The following SPRY3 variants were observed in gnomAD, a reference collection of about 807,000 sequenced individuals.
SPRY3 encodes protein sprouty homolog 3.
In SPRY3, 15 loss-of-function variants were observed where a neutral mutation model predicts 20.2. The observed-to-expected ratio is 0.74, with a 90% CI of 0.50 to 1.14. SPRY3 has a LOEUF of 1.14. Ranked by LOEUF, SPRY3 falls within the 50% of genes most tolerant of loss-of-function variation. SPRY3 has a pLI of 0.00. For missense variants in SPRY3, 364 were observed against 363.9 expected, an observed-to-expected ratio of 1.00 and a Z score of 0.00; for synonymous variants, 143 against 136.5, an observed-to-expected ratio of 1.05 and a Z score of -0.33.
chrX:155,641,366 G>T (rs1557351381), intron 1 of SPRY3, among the ~76,000 whole-genome samples: 1 of 111,453 alleles, frequency 9.0e-6, no homozygotes, highest in Non-Finnish European at 1.9e-5. Flanking sequence ...TAGTGATATT[G>T]GCCTATAGTT....
At chrX:155,711,535 C>T (rs1287855923) in intron 2 of SPRY3, among the ~76,000 whole-genome samples, 2 of 151,068 alleles carry the variant, frequency 1.3e-5, no homozygotes, top group African/African-American at 2.4e-5. Context: ...TTTATTTGGG[C>T]CTCTCTCTTT....
Position 155,734,095 on chromosome X carries a change from A to G in SPRY3, c.-281-33867A>G, listed in dbSNP as rs2091152370. Among the ~76,000 whole-genome samples, 4 of 152,208 alleles carry G rather than the reference A, an allele frequency of 2.6e-5. No individual in the cohort carries two copies. In the South Asian group the frequency reaches 8.3e-4, roughly 32 times the overall value. ...GTAGCACTTTTAATCTTGTTCAGGA[A>G]CTTTTTCTTTGCATTCACAACTTGG... On this transcript the variant is annotated intron_variant, in intron 2 of 3. Transcript: ENST00000675360.
intron 2 of SPRY3, among the ~76,000 whole-genome samples, chrX:155,737,125 C>T (rs976088378): frequency 1.3e-5 from 2 of 152,182 alleles, no homozygotes; most frequent in East Asian, 1.9e-4. Context: ...CATTACAGCC[C>T]TTAACATATT....
chrX:155,622,714 T>C (rs781982632), intron 1 of SPRY3, among the ~76,000 whole-genome samples: 7 of 111,979 alleles, frequency 6.3e-5, no homozygotes, highest in Non-Finnish European at 1.9e-5. Context: ...ATTTAAAAGA[T>C]AGCAGTCTCT....
chrX:155,614,356 G>A (rs1314089131), intron 1 of SPRY3, among the ~76,000 whole-genome samples: 1 of 112,131 alleles, frequency 8.9e-6, no homozygotes, highest in Non-Finnish European at 1.9e-5. Flanking sequence ...GAGTGAATGA[G>A]CTCACTTAAA....
intron 2 of SPRY3, among the ~76,000 whole-genome samples, chrX:155,722,507 T>A (rs189703023): frequency 3.9e-5 from 6 of 152,150 alleles, no homozygotes; most frequent in Admixed American, 1.3e-4. Context: ...GGTGACAGAA[T>A]GAGACTCTAT....
intron 1 of SPRY3, among the ~76,000 whole-genome samples, chrX:155,642,442 C>CT (rs1455034485): frequency 1.8e-5 from 2 of 110,643 alleles, no homozygotes; most frequent in Non-Finnish European, 3.8e-5. Context: ...TTTTTTGTTT[C>CT]TTTTTTTATA....
At chrX:155,696,328 A>G (rs2068118766) in intron 2 of SPRY3, among the ~76,000 whole-genome samples, 1 of 109,418 alleles carries the variant, frequency 9.1e-6, no homozygotes, top group Non-Finnish European at 1.9e-5. Flanking sequence ...TCCGTACAGC[A>G]CTTATCATGT....
At chrX:155,618,497 A>G (rs1557349114) in intron 1 of SPRY3, among the ~76,000 whole-genome samples, 1 of 111,486 alleles carries the variant, frequency 9.0e-6, no homozygotes, top group African/African-American at 3.3e-5. Flanking sequence ...TCTTGTACAC[A>G]TGTGTTTTTT....
intron 2 of SPRY3, among the ~76,000 whole-genome samples, chrX:155,726,261 A>G (rs1434903054): frequency 1.3e-5 from 2 of 152,098 alleles, no homozygotes; most frequent in Non-Finnish European, 2.9e-5. Flanking sequence ...TTTTAGAATA[A>G]CTGCGATGTG....
At chrX:155,724,892 G>C (rs760955256) in intron 2 of SPRY3, among the ~76,000 whole-genome samples, 3 of 152,264 alleles carry the variant, frequency 2.0e-5, no homozygotes, top group Non-Finnish European at 4.4e-5. Context: ...TCCTTGTCTT[G>C]TGCCGGTTTT....
At chrX:155,729,983 C>A (rs1251754242) in intron 2 of SPRY3, among the ~76,000 whole-genome samples, 3 of 152,040 alleles carry the variant, frequency 2.0e-5, no homozygotes, top group Non-Finnish European at 2.9e-5. Context: ...TGGACACATA[C>A]AACCTACTAA....
chrX:155,646,205 G>A (rs1391431163), intron 1 of SPRY3, among the ~76,000 whole-genome samples: 3 of 111,857 alleles, frequency 2.7e-5, no homozygotes, highest in Non-Finnish European at 5.6e-5. Flanking sequence ...TTTGTAACAT[G>A]TCTCGAAATC....
chrX:155,640,261 A>C (rs1372168554), intron 1 of SPRY3, among the ~76,000 whole-genome samples: 2 of 112,448 alleles, frequency 1.8e-5, no homozygotes, highest in Non-Finnish European at 3.8e-5. Context: ...GTTGTATGTT[A>C]ATGTATTATA....
downstream of SPRY3, chrX:155,776,909 C>T (rs1218360115): frequency 1.2e-5 from 2 of 166,930 alleles, no homozygotes; most frequent in Non-Finnish European, 2.9e-5. Flanking sequence ...AATTGCTTTG[C>T]TCTATTTTTG....
chrX:155,650,541 C>T lies in SPRY3; in HGVS notation c.-440-6326C>T, dbSNP rs1419205554. ...GTTTTATATGTATCTGAAAGCTATA[C>T]GTGTTCTGCAGTAATTGGATGCAGC... On this transcript the variant is annotated intron_variant, in intron 1 of 3. Transcript: ENST00000675360. Among the ~76,000 whole-genome samples the T allele has an allele frequency of 3.6e-5, 4 of 112,099 alleles. No individual in the cohort carries two copies. In the Admixed American group the frequency reaches 3.8e-4, roughly 11 times the overall value.
At chrX:155,632,249 A>G (rs1351649311) in intron 1 of SPRY3, among the ~76,000 whole-genome samples, 1 of 110,877 alleles carries the variant, frequency 9.0e-6, no homozygotes, top group African/African-American at 3.3e-5. Context: ...ACACACACGC[A>G]CACACACACT....
chrX:155,631,306 A>G (rs782277646), intron 1 of SPRY3, among the ~76,000 whole-genome samples: 32 of 112,373 alleles, frequency 2.8e-4, no homozygotes, highest in African/African-American at 9.4e-4. Context: ...ATAGTATTCC[A>G]TGTTGTATAT....
At chrX:155,666,241 G>T (rs950303514) in intron 2 of SPRY3, among the ~76,000 whole-genome samples, 6 of 111,582 alleles carry the variant, frequency 5.4e-5, no homozygotes, top group Non-Finnish European at 1.1e-4. Context: ...AGGGAGCCAG[G>T]TCATGCAAGT....
Sources: allele counts gnomAD v4.1 joint callset (sites outside exome capture counted in the v4.1 genomes callset), GRCh38; gene constraint gnomAD v4.1.1; transcripts MANE v1.5; gene names NCBI Gene and HGNC (gene_info 2026-07-23, HGNC 2026-07-21).